The following MYLK4 variants were observed in gnomAD, a reference collection of about 807,000 sequenced individuals.
MYLK4 encodes caMLCK like.
A neutral mutation model predicts 48.1 loss-of-function variants in MYLK4; 46 were observed. That is an observed-to-expected ratio of 0.96 (90% CI 0.75 to 1.22). MYLK4 has a LOEUF of 1.22. MYLK4 is among the 50% of genes most tolerant of loss of function. The pLI is 0.00. For missense variants in MYLK4, 451 were observed against 486.1 expected (o/e 0.93, Z 0.68); for synonymous variants, 170 against 180.8 (o/e 0.94, Z 0.48).
At chr6:2,742,118 T>A (rs972320325) in intron 2 of MYLK4, among the ~76,000 whole-genome samples, 7 of 152,240 alleles carry the variant, frequency 4.6e-5, no homozygotes, top group Non-Finnish European at 1.0e-4. Context: ...TTCCATCTCT[T>A]TCACTTTGTC....
intron 6 of MYLK4, among the ~76,000 whole-genome samples, chr6:2,683,433 G>GTT (rs1561836929): frequency 2.1e-5 from 3 of 140,632 alleles, no homozygotes; most frequent in South Asian, 4.6e-4. Flanking sequence ...GTGTGTGTGT[G>GTT]TTTTGAGATG....
In MYLK4 at chr6:2,749,307, T is replaced by C. The variant is rs1764205499; in HGVS notation, c.-13A>G. 1.9e-6 allele frequency: 3 copies of C among 1,608,442 alleles called. No homozygotes were observed. The Admixed American group carries it at 5.1e-5, about 27-fold the overall frequency. On this transcript the variant is annotated 5_prime_UTR_variant, in exon 2 of 13. Transcript: ENST00000274643. ...TCACTTTTAACATCTTAGTAGTGAG[T>C]CCGATTAAGCTACTTTCTGGAGTGT...
intron 2 of MYLK4, among the ~76,000 whole-genome samples, chr6:2,706,372 A>G (rs1762489891): frequency 6.6e-6 from 1 of 152,136 alleles, no homozygotes; most frequent in Non-Finnish European, 1.5e-5. Context: ...CCAGAAAAAA[A>G]ACCCCACAAA....
intron 2 of MYLK4, chr6:2,743,796 C>G (rs548603026): frequency 5.0e-6 from 2 of 396,356 alleles, no homozygotes; most frequent in Admixed American, 8.8e-5. Flanking sequence ...GGCAAAGATT[C>G]AGCCAGGGCA....
chr6:2,722,792 T>A (rs973968769), intron 2 of MYLK4, among the ~76,000 whole-genome samples: 1 of 152,126 alleles, frequency 6.6e-6, no homozygotes, highest in Non-Finnish European at 1.5e-5. Flanking sequence ...ACATTATAAC[T>A]CTTCAAATTA....
chr6:2,729,600 G>A (rs1763405876), intron 2 of MYLK4, among the ~76,000 whole-genome samples: 1 of 152,188 alleles, frequency 6.6e-6, no homozygotes, highest in African/African-American at 2.4e-5. Flanking sequence ...GCTCCCTCAA[G>A]GAGTGTTTCT....
At chr6:2,764,107 G>A in the MYLK4 span, among the ~76,000 whole-genome samples, 1 of 152,320 alleles carries the variant, frequency 6.6e-6, no homozygotes, top group East Asian at 1.9e-4. Context: ...ACTCCAGCCT[G>A]GACAAGAGTG....
intron 9 of MYLK4, among the ~76,000 whole-genome samples, chr6:2,678,898 T>C (rs931556090): frequency 1.9e-4 from 29 of 152,116 alleles, no homozygotes; most frequent in Non-Finnish European, 4.1e-4. Context: ...GAGATGGGGT[T>C]TCACCATGTT....
chr6:2,769,039 T>G, the MYLK4 span, among the ~76,000 whole-genome samples: 1 of 152,202 alleles, frequency 6.6e-6, no homozygotes, highest in Non-Finnish European at 1.5e-5. Flanking sequence ...TCCATACATT[T>G]CTTAGTGTTT....
intron 2 of MYLK4, among the ~76,000 whole-genome samples, chr6:2,732,937 T>C (rs985415909): frequency 7.2e-5 from 11 of 152,204 alleles, no homozygotes; most frequent in Admixed American, 6.5e-4. Flanking sequence ...TTTGTGGACG[T>C]GCTTAGAGCT....
At chr6:2,763,498 G>A in the MYLK4 span, among the ~76,000 whole-genome samples, 1 of 152,234 alleles carries the variant, frequency 6.6e-6, no homozygotes, top group Admixed American at 6.5e-5. Flanking sequence ...GGCCTGGCGA[G>A]AAGTGCTGTC....
chr6:2,669,572 C>T (rs1248414454), intron 12 of MYLK4, among the ~76,000 whole-genome samples: 3 of 152,040 alleles, frequency 2.0e-5, no homozygotes, highest in East Asian at 1.9e-4. Flanking sequence ...GGTTTGTGGT[C>T]GCTAGGGACA....
chr6:2,683,238 G>T (rs1369157544), intron 6 of MYLK4, 76 bp from the exon 7 acceptor site: 17 of 1,532,536 alleles, frequency 1.1e-5, no homozygotes, highest in Non-Finnish European at 1.3e-5. Context: ...GTGACTTGTC[G>T]TGCAAGTTCT....
chr6:2,761,806 A>G, the MYLK4 span, among the ~76,000 whole-genome samples: 1 of 152,238 alleles, frequency 6.6e-6, no homozygotes, highest in Non-Finnish European at 1.5e-5. Context: ...AGACATGCAC[A>G]CACACACACA....
chr6:2,762,527 T>C, the MYLK4 span, among the ~76,000 whole-genome samples: 1 of 152,364 alleles, frequency 6.6e-6, no homozygotes, highest in Non-Finnish European at 1.5e-5. Flanking sequence ...ATGTTTAAAA[T>C]CAGTGTACTG....
At chr6:2,695,767 T>C (rs969245582) in intron 2 of MYLK4, among the ~76,000 whole-genome samples, 4 of 152,174 alleles carry the variant, frequency 2.6e-5, no homozygotes, top group Non-Finnish European at 5.9e-5. Flanking sequence ...CAACCAAAAA[T>C]ATGAAACATT....
chr6:2,740,164 A>G (rs1763845511), intron 2 of MYLK4, among the ~76,000 whole-genome samples: 1 of 152,186 alleles, frequency 6.6e-6, no homozygotes, highest in South Asian at 2.1e-4. Flanking sequence ...CTGGGTCTCC[A>G]CTGTAAAGTG....
chr6:2,684,669 C>T (rs1471101805), intron 6 of MYLK4, among the ~76,000 whole-genome samples: 2 of 152,134 alleles, frequency 1.3e-5, no homozygotes, highest in Non-Finnish European at 1.5e-5. Flanking sequence ...AGTATAACAA[C>T]TGTATATGTG....
At chr6:2,692,649 G>A (rs1335022774) in intron 3 of MYLK4, 135 bp downstream of exon 3, 5 of 578,420 alleles carry the variant, frequency 8.6e-6, no homozygotes, top group Non-Finnish European at 1.3e-5. Flanking sequence ...AAAAGGGGGG[G>A]GGGGGCATTT....
Sources: allele counts gnomAD v4.1 joint callset (sites outside exome capture counted in the v4.1 genomes callset), GRCh38; gene constraint gnomAD v4.1.1; transcripts MANE v1.5; gene names NCBI Gene and HGNC (gene_info 2026-07-23, HGNC 2026-07-21).